Variants in KALRN observed in about 807,000 individuals in gnomAD.
KALRN encodes the protein kalirin.
In KALRN, 70 loss-of-function variants were observed where a neutral mutation model predicts 353.7. The observed-to-expected ratio is 0.20, with a 90% CI of 0.16 to 0.24. The LOEUF is 0.24. Among genes scored for constraint, KALRN ranks in the 10% least tolerant of loss-of-function variants. The pLI, the probability that KALRN is intolerant of heterozygous loss-of-function variation, is 1.00. For missense variants in KALRN, 2,791 were observed against 3,756.7 expected (o/e 0.74, Z 6.72); for synonymous variants, 1,391 against 1,434.8 (o/e 0.97, Z 0.69).
At chr3:124,383,038 C>G (rs891801617) in intron 10 of KALRN, among the ~76,000 whole-genome samples, 9 of 152,204 alleles carry the variant, frequency 5.9e-5, no homozygotes, top group African/African-American at 2.2e-4. Context: ...GATTTTTCCT[C>G]TTTTTCAACC....
intron 33 of KALRN, among the ~76,000 whole-genome samples, chr3:124,543,589 C>A (rs1475412159): frequency 6.6e-6 from 1 of 152,132 alleles, no homozygotes; most frequent in Admixed American, 6.5e-5. Flanking sequence ...GTGTGAGCCA[C>A]CGCGCCCGGC....
At chr3:124,286,124 T>TTTCTTTCTTTCTTTCTTTCC in intron 5 of KALRN, among the ~76,000 whole-genome samples, 1 of 149,340 alleles carries the variant, frequency 6.7e-6, no homozygotes, top group Non-Finnish European at 1.5e-5. Flanking sequence ...TCTTTCTTTC[T>TTTCTTTCTTTCTTTCTTTCC]TTCTTTCTTT....
chr3:124,143,507 C>T (rs914896805), intron 1 of KALRN, among the ~76,000 whole-genome samples: 6 of 152,136 alleles, frequency 3.9e-5, no homozygotes, highest in Non-Finnish European at 4.4e-5. Context: ...CTGCAACTTG[C>T]GAGCTGTGTG....
intron 13 of KALRN, 139 bp from the exon 14 acceptor site, chr3:124,413,331 G>A: frequency 1.4e-6 from 1 of 694,136 alleles, no homozygotes; most frequent in Non-Finnish European, 2.4e-6. Flanking sequence ...TGCTTAAATA[G>A]TCTAAGGGTT....
intron 1 of KALRN, among the ~76,000 whole-genome samples, chr3:124,075,693 A>G (rs1206573030): frequency 6.6e-6 from 1 of 152,188 alleles, no homozygotes; most frequent in Non-Finnish European, 1.5e-5. Context: ...GTATTTAAAA[A>G]TAATAGACTG....
intron 1 of KALRN, among the ~76,000 whole-genome samples, chr3:124,181,482 T>G (rs1215510102): frequency 6.6e-6 from 1 of 152,110 alleles, no homozygotes; most frequent in Non-Finnish European, 1.5e-5. Context: ...GGTTTTGGGG[T>G]GCTTTTAAAG....
chr3:124,159,209 T>C (rs1483972495), intron 1 of KALRN, among the ~76,000 whole-genome samples: 1 of 152,220 alleles, frequency 6.6e-6, no homozygotes, highest in Non-Finnish European at 1.5e-5. Context: ...CCTTGAGTAC[T>C]TGGCTTATGC....
chr3:124,584,588 G>C, intron 34 of KALRN: 1 of 1,378,924 alleles, frequency 7.3e-7, no homozygotes. Context: ...CCTGCCCACA[G>C]CTGGACCTTG....
At chr3:124,649,087 T>C (rs1005691480) in intron 37 of KALRN, among the ~76,000 whole-genome samples, 10 of 152,342 alleles carry the variant, frequency 6.6e-5, no homozygotes, top group Admixed American at 1.3e-4. Context: ...AACAAATTCA[T>C]GTTTAGCCCT....
At chr3:124,668,629 T>G (rs533422368) in intron 47 of KALRN, among the ~76,000 whole-genome samples, 10 of 152,358 alleles carry the variant, frequency 6.6e-5, no homozygotes, top group African/African-American at 2.4e-4. Context: ...AAAGTATTTT[T>G]GGGCCAGGCT....
intron 34 of KALRN, among the ~76,000 whole-genome samples, chr3:124,624,973 C>T (rs1276129753): frequency 1.3e-5 from 2 of 152,056 alleles, no homozygotes; most frequent in Non-Finnish European, 2.9e-5. Context: ...CTTAACATAT[C>T]GAGACTAGCC....
intron 34 of KALRN, among the ~76,000 whole-genome samples, chr3:124,617,579 A>G (rs937577368): frequency 6.6e-6 from 1 of 152,198 alleles, no homozygotes; most frequent in African/African-American, 2.4e-5. Flanking sequence ...TAGTACAGTG[A>G]ACTGAAAAAT....
intron 51 of KALRN, among the ~76,000 whole-genome samples, chr3:124,691,388 A>G (rs1405377544): frequency 3.9e-5 from 6 of 152,230 alleles, no homozygotes; most frequent in Admixed American, 1.3e-4. Context: ...AGATCACACC[A>G]TTGTACTCCA....
intron 10 of KALRN, among the ~76,000 whole-genome samples, chr3:124,358,478 C>T (rs1190106265): frequency 6.6e-6 from 1 of 152,134 alleles, no homozygotes; most frequent in African/African-American, 2.4e-5. Flanking sequence ...AAAAATTAGA[C>T]AGAAGTGGTA....
intron 1 of KALRN, among the ~76,000 whole-genome samples, chr3:124,205,433 A>G (rs1560226250): frequency 1.3e-5 from 2 of 152,196 alleles, no homozygotes; most frequent in Admixed American, 1.3e-4. Context: ...CCTTGGGCAA[A>G]TCATTTGACT....
intron 35 of KALRN, among the ~76,000 whole-genome samples, chr3:124,633,470 C>T (rs942590559): frequency 2.0e-5 from 3 of 152,198 alleles, no homozygotes; most frequent in African/African-American, 7.2e-5. Context: ...TTTATGCTAC[C>T]TGCCATTTCT....
chr3:124,373,298 C>T (rs659450), intron 10 of KALRN, among the ~76,000 whole-genome samples: 57,270 of 152,018 alleles, frequency 0.38, 11,906 homozygotes, highest in East Asian at 0.74. Flanking sequence ...ACTTCTACCC[C>T]ACCTGGACAT....
At chr3:124,179,328 CT>C (rs1389595101) in intron 1 of KALRN, among the ~76,000 whole-genome samples, 2 of 151,864 alleles carry the variant, frequency 1.3e-5, no homozygotes, top group Admixed American at 1.3e-4. Flanking sequence ...ACATATTAGC[CT>C]AGGCCTACAC....
intron 14 of KALRN, among the ~76,000 whole-genome samples, chr3:124,422,016 T>C (rs1318414959): frequency 6.6e-6 from 1 of 152,248 alleles, no homozygotes; most frequent in African/African-American, 2.4e-5. Flanking sequence ...TTGGGAACAC[T>C]TGTCAGTGAC....
Sources: gnomAD v4.1 joint callset for allele counts (sites outside exome capture counted in the v4.1 genomes callset) on GRCh38, gnomAD v4.1.1 for gene constraint, MANE v1.5 for transcripts, NCBI Gene and HGNC (gene_info 2026-07-23, HGNC 2026-07-21) for gene names.